Variants in NCKAP5 observed in about 807,000 individuals in gnomAD.
The protein encoded by NCKAP5 is nck-associated protein 5.
A neutral mutation model predicts 167.0 loss-of-function variants in NCKAP5; 92 were observed. The observed-to-expected ratio is 0.55, with a 90% CI of 0.47 to 0.66. The LOEUF is 0.66. NCKAP5 is among the 30% of genes least tolerant of loss of function. The pLI is 0.00. For missense variants in NCKAP5, 2,378 were observed against 2,315.0 expected, an observed-to-expected ratio of 1.03 and a Z score of -0.56; for synonymous variants, 891 against 877.4, an observed-to-expected ratio of 1.02 and a Z score of -0.27.
intron 7 of NCKAP5, among the ~76,000 whole-genome samples, chr2:132,993,780 T>A (rs1349615392): frequency 6.6e-6 from 1 of 152,182 alleles, no homozygotes; most frequent in Non-Finnish European, 1.5e-5. Flanking sequence ...TGGCAAGTAT[T>A]TATTCCTCAC....
At chr2:132,721,909 T>A (rs1459907263) in intron 19 of NCKAP5, among the ~76,000 whole-genome samples, 1 of 152,220 alleles carries the variant, frequency 6.6e-6, no homozygotes, top group Non-Finnish European at 1.5e-5. Context: ...CCTCACCACC[T>A]TCTCCCAAGA....
chr2:133,334,419 A>G (rs1322154121), intron 3 of NCKAP5, among the ~76,000 whole-genome samples: 1 of 152,166 alleles, frequency 6.6e-6, no homozygotes, highest in Non-Finnish European at 1.5e-5. Context: ...TATGTTCATC[A>G]TCTTATTTAA....
At chr2:132,695,885 C>T (rs1463276804) in intron 19 of NCKAP5, among the ~76,000 whole-genome samples, 1 of 152,184 alleles carries the variant, frequency 6.6e-6, no homozygotes, top group Non-Finnish European at 1.5e-5. Flanking sequence ...TTAAGAGCAT[C>T]TAATTTCAGA....
intron 11 of NCKAP5, among the ~76,000 whole-genome samples, chr2:132,841,475 GT>G (rs1688290957): frequency 6.6e-6 from 1 of 152,012 alleles, no homozygotes; most frequent in Admixed American, 6.6e-5. Context: ...AAGGAATACA[GT>G]TTTCATTCTA....
In NCKAP5 at chr2:133,130,115, T is replaced by C. The variant is rs1373808601; in HGVS notation, c.208-4A>G. 3 of 1,605,424 alleles carry C rather than the reference T, an allele frequency of 1.9e-6. No homozygotes were observed. The highest frequency in any genetic ancestry group is 1.1e-5 in the South Asian group (1 of 89,008). On this transcript the variant is annotated splice_polypyrimidine_tract_variant and splice_region_variant and intron_variant, in intron 5 of 19. Transcript: ENST00000409261. Reference sequence around the variant, plus strand: ...GTTCATGTATCAGCTTCTCATGCTATAAAAGACACAAAGGGGATGACTTTT... The same window carrying C: ...GTTCATGTATCAGCTTCTCATGCTACAAAAGACACAAAGGGGATGACTTTT...
intron 3 of NCKAP5, among the ~76,000 whole-genome samples, chr2:133,344,893 C>T (rs921953344): frequency 7.2e-5 from 11 of 151,738 alleles, no homozygotes; most frequent in East Asian, 2.0e-4. Flanking sequence ...AAGCAGGTAG[C>T]GGGATATGCA....
intron 11 of NCKAP5, among the ~76,000 whole-genome samples, chr2:132,833,715 G>T (rs2105378262): frequency 6.6e-6 from 1 of 152,138 alleles, no homozygotes; most frequent in South Asian, 2.1e-4. Context: ...CTGTTCCATT[G>T]AACAGAATAT....
intron 2 of NCKAP5, among the ~76,000 whole-genome samples, chr2:133,555,035 G>T (rs1003038162): frequency 6.6e-6 from 1 of 152,040 alleles, no homozygotes; most frequent in South Asian, 2.1e-4. Flanking sequence ...ACTTTTCCCC[G>T]GGACATCTTA....
At chr2:133,565,977 G>C (rs1178365597) in intron 1 of NCKAP5, among the ~76,000 whole-genome samples, 1 of 152,194 alleles carries the variant, frequency 6.6e-6, no homozygotes, top group Admixed American at 6.5e-5. Context: ...ATGGCAAAGA[G>C]CTCCAGATCC....
intron 8 of NCKAP5, among the ~76,000 whole-genome samples, chr2:132,939,837 TAAA>T (rs1419171211): frequency 6.6e-6 from 1 of 152,036 alleles, no homozygotes; most frequent in Non-Finnish European, 1.5e-5. Flanking sequence ...CTGTCTCTAC[TAAA>T]AATACAAAAA....
chr2:133,386,734 T>G (rs966106296), intron 3 of NCKAP5, among the ~76,000 whole-genome samples: 7 of 152,240 alleles, frequency 4.6e-5, no homozygotes, highest in African/African-American at 1.7e-4. Context: ...GGTGCTCCTG[T>G]ATTGGGTGCA....
chr2:133,075,599 T>C (rs1392507946), intron 6 of NCKAP5, among the ~76,000 whole-genome samples: 4 of 152,184 alleles, frequency 2.6e-5, no homozygotes, highest in Non-Finnish European at 5.9e-5. Context: ...ACCTACATAG[T>C]TAAAGATTTA....
intron 6 of NCKAP5, among the ~76,000 whole-genome samples, chr2:133,060,031 A>G (rs2079944368): frequency 1.3e-5 from 2 of 152,200 alleles, no homozygotes; most frequent in Non-Finnish European, 1.5e-5. Flanking sequence ...TTGCAGCCAG[A>G]GAGCCCTAAG....
chr2:133,184,497 G>A (rs546292015), intron 5 of NCKAP5, among the ~76,000 whole-genome samples: 13 of 152,130 alleles, frequency 8.5e-5, no homozygotes, highest in Admixed American at 1.3e-4. Flanking sequence ...ATCGGATTGC[G>A]GGGTCCAATG....
intron 4 of NCKAP5, among the ~76,000 whole-genome samples, chr2:133,272,800 C>T (rs1390377369): frequency 6.6e-6 from 1 of 152,156 alleles, no homozygotes; most frequent in East Asian, 1.9e-4. Flanking sequence ...TAAATGGAAT[C>T]ATACAATGTT....
the NCKAP5 span, among the ~76,000 whole-genome samples, chr2:133,629,728 C>A: frequency 6.6e-6 from 1 of 152,016 alleles, no homozygotes; most frequent in Non-Finnish European, 1.5e-5. Flanking sequence ...TGGAATCAAC[C>A]CAATGCCCAT....
At chr2:133,644,834 T>G in the NCKAP5 span, among the ~76,000 whole-genome samples, 2 of 152,196 alleles carry the variant, frequency 1.3e-5, no homozygotes, top group African/African-American at 2.4e-5. Flanking sequence ...CGTTTAACAT[T>G]TGTTATATGA....
intron 16 of NCKAP5, among the ~76,000 whole-genome samples, chr2:132,751,211 TGA>T (rs917115173): frequency 1.4e-4 from 22 of 152,198 alleles, no homozygotes; most frequent in Middle Eastern, 3.4e-3. Flanking sequence ...CTTTAGTTCC[TGA>T]GAGAGATTTC....
At chr2:132,991,985 C>G (rs1363102303) in intron 7 of NCKAP5, among the ~76,000 whole-genome samples, 2 of 152,146 alleles carry the variant, frequency 1.3e-5, no homozygotes, top group African/African-American at 4.8e-5. Context: ...TTGGCGCCAC[C>G]CAGCATCACC....
Sources: allele counts gnomAD v4.1 joint callset (sites outside exome capture counted in the v4.1 genomes callset), GRCh38; gene constraint gnomAD v4.1.1; transcripts MANE v1.5; gene names NCBI Gene and HGNC (gene_info 2026-07-23, HGNC 2026-07-21).